ERAP1: variants seen among roughly 807,000 people sequenced by gnomAD.
The protein encoded by ERAP1 is adipocyte-derived leucine aminopeptidase.
In ERAP1, 86 loss-of-function variants were observed where a neutral mutation model predicts 103.7. The ratio of observed to expected loss-of-function variants is 0.83; its 90% CI spans 0.70 to 0.99. The LOEUF (loss-of-function observed/expected upper bound fraction) is 0.99, where lower values mean the gene tolerates loss of function less well. Among genes scored for constraint, ERAP1 ranks in the 50% least tolerant of loss-of-function variants. The probability of loss-of-function intolerance (pLI) is 0.00; values close to 1 mark genes in which losing one functional copy is unlikely to be tolerated. For synonymous variants in ERAP1, 398 were observed against 402.4 expected (o/e 0.99, Z 0.13); for missense variants, 1,009 against 1,128.4 (o/e 0.89, Z 1.52).
Position 96,788,539 on chromosome 5 carries a change from C to T in ERAP1, c.1671G>A (p.Pro557=), listed in dbSNP as rs750054478. 4.8e-5 allele frequency: 77 copies of T among 1,614,004 alleles called. No homozygotes were observed. The highest frequency in any genetic ancestry group is 1.6e-4 in the Middle Eastern group (1 of 6,072). Residue 557 remains proline, a synonymous_variant, in exon 11 of 19, where the codon CCG becomes CCA. Coordinates refer to ENST00000443439, the MANE Select transcript of ERAP1 (RefSeq NM_001040458.3). ...TACTCTAGGAGCATTACCCAGTGTC[C>T]GGGGCGCCGTCAGAGCCCTTCATGT... The part of the protein sequence containing the change: ...EHYMKGSDGA[P]DTGYLWHVPL...
chr5:96,872,964 T>C, the ERAP1 span, among the ~76,000 whole-genome samples: 10 of 152,068 alleles, frequency 6.6e-5, no homozygotes, highest in Admixed American at 3.3e-4. Flanking sequence ...CCAAGGTGGG[T>C]GGATCACCTG....
chr5:96,778,463 A>G (rs1461924800), intron 18 of ERAP1, among the ~76,000 whole-genome samples: 1 of 152,176 alleles, frequency 6.6e-6, no homozygotes, highest in Non-Finnish European at 1.5e-5. Flanking sequence ...GCAGAGGCTT[A>G]AAGACAGGAG....
At chr5:96,835,387 C>T in the ERAP1 span, among the ~76,000 whole-genome samples, 3 of 152,186 alleles carry the variant, frequency 2.0e-5, no homozygotes, top group African/African-American at 7.2e-5. Flanking sequence ...CTACAAGGAT[C>T]TTAAAATACA....
the ERAP1 span, among the ~76,000 whole-genome samples, chr5:96,869,060 T>C: frequency 6.6e-6 from 1 of 151,864 alleles, no homozygotes; most frequent in Non-Finnish European, 1.5e-5. Context: ...CAGTTACACT[T>C]GTTACCACTA....
chr5:96,769,520 A>G (rs943224732), downstream of ERAP1: 2 of 152,082 alleles, frequency 1.3e-5, no homozygotes, highest in East Asian at 3.9e-4. Context: ...TGGGATGCAT[A>G]GAAATAATAA....
intron 2 of ERAP1, among the ~76,000 whole-genome samples, chr5:96,801,589 C>A (rs1333380100): frequency 6.6e-6 from 1 of 151,952 alleles, no homozygotes; most frequent in African/African-American, 2.4e-5. Flanking sequence ...AAAAATGGCT[C>A]ATACCTGTAA....
intron 18 of ERAP1, among the ~76,000 whole-genome samples, chr5:96,780,208 T>TA (rs1371129484): frequency 1.3e-5 from 2 of 152,232 alleles, no homozygotes; most frequent in African/African-American, 4.8e-5. Context: ...CTGGCAGAGC[T>TA]AAGACCTCTT....
intron 2 of ERAP1, among the ~76,000 whole-genome samples, chr5:96,801,523 G>A (rs947973403): frequency 1.3e-5 from 2 of 151,504 alleles, no homozygotes; most frequent in Non-Finnish European, 2.9e-5. Flanking sequence ...TAAGAAGTAT[G>A]TGAGGAAAAC....
the ERAP1 span, among the ~76,000 whole-genome samples, chr5:96,931,802 G>C: frequency 1.3e-5 from 2 of 152,168 alleles, no homozygotes; most frequent in Non-Finnish European, 2.9e-5. Context: ...GGTAGTCTGG[G>C]CTTTGGGGAA....
At chr5:96,903,370 C>G in the ERAP1 span, 3 of 1,603,832 alleles carry the variant, frequency 1.9e-6, no homozygotes, top group Non-Finnish European at 2.6e-6. Context: ...CAATCTTATC[C>G]TCTTAGATAC....
the ERAP1 span, among the ~76,000 whole-genome samples, chr5:96,906,915 C>G: frequency 6.6e-6 from 1 of 152,166 alleles, no homozygotes; most frequent in Non-Finnish European, 1.5e-5. Flanking sequence ...GCCTTCCCAG[C>G]TACTTGGGAG....
At chr5:96,913,416 A>G in the ERAP1 span, 11 of 1,614,204 alleles carry the variant, frequency 6.8e-6, no homozygotes, top group South Asian at 1.2e-4. Flanking sequence ...AGCAACTAGC[A>G]TGGGATTTTG....
At chr5:96,889,615 C>A in the ERAP1 span, 1 of 649,402 alleles carries the variant, frequency 1.5e-6, no homozygotes, top group Non-Finnish European at 2.8e-6. Context: ...GGTAGAGGGT[C>A]CAGGAAAGAG....
Position 96,785,886 on chromosome 5 carries a change from A to G in ERAP1, c.1845T>C (p.Asp615=), listed in dbSNP as rs2150929204. The change falls in exon 13 of 19, where the codon GAT becomes GAC. Residue 615 remains aspartate, a synonymous_variant. Coordinates refer to ENST00000443439, the MANE Select transcript of ERAP1 (RefSeq NM_001040458.3). ...AAAGGCCAGTCAAAGAGTCCCATCC[A>G]TCATCCTCGTAATGCACAATGTAAT... is the stretch of plus-strand genomic sequence containing the variant. The part of the protein sequence containing the change: ...NGYYIVHYED[D]GWDSLTGLLK... 1 of 1,614,138 alleles carries G rather than the reference A, an allele frequency of 6.2e-7. No individual in the cohort carries two copies. The highest frequency in any genetic ancestry group is 2.2e-5 in the East Asian group (1 of 44,880).
At chr5:96,933,877 G>A in the ERAP1 span, among the ~76,000 whole-genome samples, 1 of 152,286 alleles carries the variant, frequency 6.6e-6, no homozygotes, top group Non-Finnish European at 1.5e-5. Context: ...AGCTCCTGTG[G>A]TTCACTATTT....
chr5:96,881,718 T>C, the ERAP1 span, among the ~76,000 whole-genome samples: 3 of 152,076 alleles, frequency 2.0e-5, no homozygotes, highest in Non-Finnish European at 4.4e-5. Context: ...ACTTGCAAGA[T>C]GATTGCTGCA....
chr5:96,790,389 A>T (rs199680555), intron 9 of ERAP1, 22 bp from the exon 10 acceptor site: 80 of 1,611,832 alleles, frequency 5.0e-5, no homozygotes, highest in Non-Finnish European at 6.7e-5. Flanking sequence ...AAATAAACAC[A>T]TCACTCTTAT....
chr5:96,888,989 G>A, the ERAP1 span, among the ~76,000 whole-genome samples: 2 of 152,118 alleles, frequency 1.3e-5, no homozygotes, highest in African/African-American at 4.8e-5. Flanking sequence ...AAGATTCAGG[G>A]TGTTTGTAAT....
chr5:96,866,827 C>T, the ERAP1 span, among the ~76,000 whole-genome samples: 11 of 152,136 alleles, frequency 7.2e-5, no homozygotes, highest in Non-Finnish European at 1.6e-4. Flanking sequence ...CCACCTTTTA[C>T]TCTATAAATA....
Sources: allele counts gnomAD v4.1 joint callset (sites outside exome capture counted in the v4.1 genomes callset), GRCh38; gene constraint gnomAD v4.1.1; transcripts MANE v1.5; gene names NCBI Gene and HGNC (gene_info 2026-07-23, HGNC 2026-07-21).